ATPAF1: variants seen among roughly 807,000 people sequenced by gnomAD.
ATPAF1 encodes homolog of yeast ATP11.
Under a neutral mutation model 43.9 loss-of-function variants are expected in ATPAF1, and 26 were observed. The ratio of observed to expected loss-of-function variants is 0.59; its 90% CI spans 0.43 to 0.82. The LOEUF (loss-of-function observed/expected upper bound fraction) is 0.82. Ranked by LOEUF, ATPAF1 falls within the 40% of genes least tolerant of loss-of-function variation. ATPAF1 has a pLI of 0.00. For missense variants in ATPAF1, 366 were observed against 435.0 expected (o/e 0.84, Z 1.41); for synonymous variants, 157 against 168.0 (o/e 0.93, Z 0.50).
chr1:46,641,846 G>A (rs543532829), intron 8 of ATPAF1, among the ~76,000 whole-genome samples: 77 of 152,036 alleles, frequency 5.1e-4, no homozygotes, highest in African/African-American at 1.8e-3. Flanking sequence ...CTTAGATCTC[G>A]TCTCTTCTCT....
intron 2 of ATPAF1, among the ~76,000 whole-genome samples, chr1:46,663,002 G>C (rs531426469): frequency 2.0e-5 from 3 of 151,656 alleles, no homozygotes; most frequent in African/African-American, 7.3e-5. Flanking sequence ...CTCATTGTTC[G>C]ATTCCCACCC....
chr1:46,647,983 T>C (rs183820565), intron 6 of ATPAF1, among the ~76,000 whole-genome samples: 34 of 152,374 alleles, frequency 2.2e-4, no homozygotes, highest in African/African-American at 1.4e-4. Context: ...CTCTTTATTA[T>C]TGAGTTATAA....
intron 1 of ATPAF1, chr1:46,665,675 T>C (rs888171530): frequency 6.5e-7 from 1 of 1,535,680 alleles, no homozygotes. Flanking sequence ...TTTGAGGTCA[T>C]CTTGCTGGAT....
At position 46,667,983 on chromosome 1, in the gene ATPAF1, T is replaced by C. The variant is rs1008128614; in HGVS notation, c.266+74A>G. On this transcript the variant is annotated intron_variant, in intron 1 of 8. Coordinates refer to ENST00000574428, the Ensembl canonical transcript of ATPAF1. The stretch of plus-strand genomic sequence containing the variant: ...AGTACTAGTGCCCACCTCACAGGGC[T>C]GTCCTAAGGCCCAGCAGCCCGGGCC... 5 of 1,211,868 alleles carry C rather than the reference T, an allele frequency of 4.1e-6. No individual in the cohort carries two copies. The Admixed American group carries it at 1.3e-4, about 31-fold the overall frequency. 75.1% of individuals were successfully genotyped at this position (1,211,868 alleles called of 1,614,324 possible).
intron 8 of ATPAF1, among the ~76,000 whole-genome samples, chr1:46,642,803 T>C (rs1449701292): frequency 6.6e-6 from 1 of 152,180 alleles, no homozygotes; most frequent in African/African-American, 2.4e-5. Context: ...ATTATGTGAC[T>C]CCCCATACTC....
chr1:46,635,117 A>C (rs1266531263), exon 9 of ATPAF1: 2 of 152,698 alleles, frequency 1.3e-5, no homozygotes, highest in Non-Finnish European at 2.9e-5. Flanking sequence ...TAACAGGTGG[A>C]GTTAGAAAAG....
rs1676529461 is a variant in ATPAF1 at position 46,668,282 on chromosome 1, G to A, written c.41C>T (p.Pro14Leu). The A allele has an allele frequency of 2.2e-6, 3 of 1,382,444 alleles. No individual in the cohort carries two copies. Among genetic ancestry groups the A allele is most frequent in the Non-Finnish European group, 2.8e-6 (3 of 1,063,310 alleles). 85.6% of individuals were successfully genotyped at this position (1,382,444 alleles called of 1,614,324 possible). A position where few individuals can be genotyped will look rare whatever the true frequency, so the allele number is the denominator to read the frequency against. Residue 14 changes from proline (P) to leucine (L), a missense_variant, in exon 1 of 9, where the codon CCG becomes CTG. This residue lies in a region of ATPAF1 where 186 missense variants were observed against 168.5 expected (regional missense o/e 1.10). Coordinates refer to ENST00000574428, the Ensembl canonical transcript of ATPAF1. This position sits in a 1 kb window ranked among gnomAD's most constrained non-coding sequence, Gnocchi z 4.4. Reference sequence around the variant, plus strand: ...GAGACCGGCCACCTGCAGGACCGCCGGTCCCGCGCCACCCGCAGCCGCCAC... The same window carrying A: ...GAGACCGGCCACCTGCAGGACCGCCAGTCCCGCGCCACCCGCAGCCGCCAC...
chr1:46,634,485 T>C (rs1009064212), downstream of ATPAF1: 1 of 152,424 alleles, frequency 6.6e-6, no homozygotes, highest in African/African-American at 2.4e-5. Context: ...TATGGTGGCA[T>C]GCGCCTGTAA....
intron 2 of ATPAF1, chr1:46,664,893 T>A: frequency 4.8e-6 from 1 of 208,116 alleles, no homozygotes; most frequent in East Asian, 1.2e-4. Flanking sequence ...AAAGTCCCAT[T>A]CCTTCCTCTC....
chr1:46,645,501 C>A (rs577244690), intron 6 of ATPAF1, among the ~76,000 whole-genome samples: 1 of 151,628 alleles, frequency 6.6e-6, no homozygotes, highest in Non-Finnish European at 1.5e-5. Flanking sequence ...GCTGGAACTG[C>A]AGGTGTGCAC....
At chr1:46,634,993 C>T (rs929425970), downstream of ATPAF1, 3 of 152,558 alleles carry the variant, frequency 2.0e-5, no homozygotes, top group Non-Finnish European at 1.5e-5. Flanking sequence ...TCCACTTTTT[C>T]GTATCATGTT....
intron 8 of ATPAF1, among the ~76,000 whole-genome samples, chr1:46,639,099 T>C (rs967875465): frequency 2.0e-5 from 3 of 152,202 alleles, no homozygotes; most frequent in Admixed American, 6.5e-5. Flanking sequence ...TTAAAGTTAA[T>C]AATTAATAGG....
intron 8 of ATPAF1, chr1:46,636,281 G>A (rs1019299877): frequency 1.2e-5 from 5 of 431,338 alleles, no homozygotes; most frequent in African/African-American, 6.0e-5. Context: ...AGTGACATCT[G>A]GTGAATGTTT....
Position 46,643,111 on chromosome 1 carries a change from TTC to T in ATPAF1, c.792+81_792+82del, listed in dbSNP as rs1675978444. The T allele has an allele frequency of 4.4e-6, 5 of 1,131,302 alleles. No homozygotes were observed. In the East Asian group the frequency reaches 7.3e-5, roughly 17 times the overall value. 70.1% of individuals were successfully genotyped at this position (1,131,302 alleles called of 1,614,324 possible). A position where few individuals can be genotyped will look rare whatever the true frequency, so the allele number is the denominator to read the frequency against. ...AAGGTATATGTAGCTCTTTGAAATT[TTC>T]TCTCTCATGAGCTTTGGCAGAAGAG... On this transcript the variant is annotated intron_variant, in intron 8 of 8. Coordinates refer to ENST00000574428, the Ensembl canonical transcript of ATPAF1.
intron 1 of ATPAF1, among the ~76,000 whole-genome samples, chr1:46,667,636 G>T (rs1007707104): frequency 6.6e-6 from 1 of 152,138 alleles, no homozygotes; most frequent in African/African-American, 2.4e-5. Context: ...TTTCCTTGCA[G>T]TCAAGGCCCT....
At chr1:46,662,436 A>G (rs768262548) in intron 2 of ATPAF1, among the ~76,000 whole-genome samples, 62 of 150,982 alleles carry the variant, frequency 4.1e-4, no homozygotes, top group Non-Finnish European at 4.4e-4. Context: ...CCTTATTATA[A>G]TTAACCCATC....
At chr1:46,645,085 T>G in intron 7 of ATPAF1, 76 bp downstream of exon 7, 3 of 1,049,454 alleles carry the variant, frequency 2.9e-6, no homozygotes, top group Non-Finnish European at 4.1e-6. Context: ...TCTGTGTCCT[T>G]GAGCCTCAGC....
At position 46,636,044 on chromosome 1, in the gene ATPAF1, G is replaced by A. The variant is rs547117339; in HGVS notation, c.793-74C>T. On this transcript the variant is annotated intron_variant, in intron 8 of 8. Transcript: ENST00000574428. ...AGCTCTTGTCTGAATTGTGTGGTGG[G>A]TGGGGGCCCTCGCCCAGGAGTCACC... 286 of 1,545,032 alleles carry A rather than the reference G, an allele frequency of 1.9e-4. No individual in the cohort carries two copies. The Middle Eastern group carries it at 3.7e-3, about 20-fold the overall frequency.
intron 6 of ATPAF1, among the ~76,000 whole-genome samples, chr1:46,649,048 G>C (rs968535816): frequency 6.6e-6 from 1 of 151,536 alleles, no homozygotes; most frequent in East Asian, 1.9e-4. Flanking sequence ...TGTAATCCCA[G>C]CTACTTGGGA....
Sources: gnomAD v4.1 joint callset for allele counts (sites outside exome capture counted in the v4.1 genomes callset) on GRCh38, gnomAD v4.1.1 for gene constraint, gnomAD v4.1.1 regional missense constraint, Gnocchi (gnomAD v3.1) non-coding constraint, MANE v1.5 for transcripts, NCBI Gene and HGNC (gene_info 2026-07-23, HGNC 2026-07-21) for gene names.